The following GRK3 variants were observed in gnomAD, a reference collection of about 807,000 sequenced individuals.
GRK3 encodes G protein-coupled receptor kinase 3, also known as adrenergic, beta, receptor kinase 2.
GRK3 carries 54 observed loss-of-function variants against 95.7 expected under a neutral mutation model. The observed-to-expected ratio is 0.56, with a 90% CI of 0.45 to 0.71. The LOEUF is 0.71. Among genes scored for constraint, GRK3 ranks in the 30% least tolerant of loss-of-function variants. The pLI is 0.00. For synonymous variants in GRK3, 281 were observed against 290.8 expected (o/e 0.97, Z 0.34); for missense variants, 649 against 851.2 (o/e 0.76, Z 2.96).
At chr22:25,585,887 C>G (rs1352756091) in intron 1 of GRK3, among the ~76,000 whole-genome samples, 1 of 152,250 alleles carries the variant, frequency 6.6e-6, no homozygotes, top group Non-Finnish European at 1.5e-5. Context: ...ATGACATTTT[C>G]TAGAGCCCCC....
chr22:25,613,084 A>T (rs2146348991), intron 2 of GRK3, among the ~76,000 whole-genome samples: 1 of 152,204 alleles, frequency 6.6e-6, no homozygotes, highest in Middle Eastern at 3.4e-3. Flanking sequence ...TATAACATAG[A>T]TGGTTAAAAG....
chr22:25,711,041 T>C (rs745962178), intron 16 of GRK3, 27 bp from the exon 17 acceptor site: 6 of 1,490,524 alleles, frequency 4.0e-6, no homozygotes, highest in Non-Finnish European at 4.7e-6. Flanking sequence ...ATCTGAAAAC[T>C]GTACCATGCT....
intron 17 of GRK3, among the ~76,000 whole-genome samples, chr22:25,713,263 A>G (rs1369351168): frequency 6.6e-6 from 1 of 152,154 alleles, no homozygotes; most frequent in Non-Finnish European, 1.5e-5. Flanking sequence ...ACTCACACAC[A>G]CACTCACACA....
chr22:25,714,802 C>G (rs1320883118), intron 18 of GRK3, among the ~76,000 whole-genome samples: 1 of 152,012 alleles, frequency 6.6e-6, no homozygotes, highest in East Asian at 1.9e-4. Context: ...TTTAGTATGC[C>G]CTTTTATCTT....
intron 2 of GRK3, among the ~76,000 whole-genome samples, chr22:25,629,027 T>A (rs999803780): frequency 6.6e-6 from 1 of 152,210 alleles, no homozygotes; most frequent in African/African-American, 2.4e-5. Flanking sequence ...GGAAAACTTT[T>A]AAAATATATT....
At chr22:25,686,915 G>A (rs1256648716) in intron 10 of GRK3, among the ~76,000 whole-genome samples, 1 of 152,334 alleles carries the variant, frequency 6.6e-6, no homozygotes, top group East Asian at 1.9e-4. Flanking sequence ...CACCTTTCAG[G>A]TTCAAGAGAT....
At chr22:25,630,158 G>T (rs112423868) in intron 2 of GRK3, among the ~76,000 whole-genome samples, 7,519 of 152,178 alleles carry the variant, frequency 0.049, 189 homozygotes, top group Middle Eastern at 0.058. Context: ...TGTATCGATT[G>T]GTTGGCTCTT....
chr22:25,638,472 T>C (rs2084719563), intron 2 of GRK3, among the ~76,000 whole-genome samples: 1 of 152,234 alleles, frequency 6.6e-6, no homozygotes, highest in African/African-American at 2.4e-5. Context: ...CTTACTCCCA[T>C]GGATTACGTG....
chr22:25,604,045 G>A (rs567602099), intron 1 of GRK3, among the ~76,000 whole-genome samples: 1 of 152,148 alleles, frequency 6.6e-6, no homozygotes, highest in African/African-American at 2.4e-5. Context: ...TACGTGTAGG[G>A]TGTGTGCTGT....
At chr22:25,699,388 G>A (rs529625785) in intron 13 of GRK3, among the ~76,000 whole-genome samples, 5 of 152,078 alleles carry the variant, frequency 3.3e-5, no homozygotes, top group East Asian at 1.9e-4. Context: ...CTCCTGGGGC[G>A]CCTGTCCTCA....
chr22:25,690,747 C>G (rs962649869), intron 12 of GRK3, among the ~76,000 whole-genome samples: 1 of 151,748 alleles, frequency 6.6e-6, no homozygotes, highest in Admixed American at 6.6e-5. Context: ...CCTTCTTTTT[C>G]AAAAAGGCTT....
chr22:25,606,170 T>C (rs2331130), intron 2 of GRK3, among the ~76,000 whole-genome samples: 15,191 of 124,556 alleles, frequency 0.12, 2 homozygotes, highest in East Asian at 0.32. Context: ...CTGAGAGCAG[T>C]CTCACTGGGC....
chr22:25,699,368 C>T (rs1197359199), intron 13 of GRK3, among the ~76,000 whole-genome samples: 2 of 152,154 alleles, frequency 1.3e-5, no homozygotes, highest in Admixed American at 6.5e-5. Flanking sequence ...GTCCCCTCTG[C>T]ATCCTGACAC....
chr22:25,566,296 A>G (rs972113978), intron 1 of GRK3, among the ~76,000 whole-genome samples: 2 of 152,240 alleles, frequency 1.3e-5, no homozygotes, highest in African/African-American at 4.8e-5. Flanking sequence ...AACCAAAGTT[A>G]TTGTCCATTT....
chr22:25,726,192 A>C lies in GRK3; in HGVS notation c.*3742A>C, dbSNP rs1422612753. 1 of 152,198 alleles carries C rather than the reference A, an allele frequency of 6.6e-6. No homozygotes were observed. The highest frequency in any genetic ancestry group is 1.5e-5 in the Non-Finnish European group (1 of 68,030). 9.4% of individuals were successfully genotyped at this position (152,198 alleles called of 1,614,324 possible). A position where few individuals can be genotyped will look rare whatever the true frequency, so the allele number is the denominator to read the frequency against. On this transcript the variant is annotated 3_prime_UTR_variant, in exon 21 of 21. Coordinates refer to ENST00000324198, the MANE Select transcript of GRK3 (RefSeq NM_005160.4). ...GATTTAACTAGATTAAAAAGATCAA[A>C]GTGTGGTTTTTCTCTGCTTTTTAAA...
intron 2 of GRK3, among the ~76,000 whole-genome samples, chr22:25,615,548 TG>T (rs1001891276): frequency 2.0e-5 from 3 of 152,160 alleles, no homozygotes; most frequent in African/African-American, 7.2e-5. Flanking sequence ...AGATGTGCTG[TG>T]GGGGTGATGG....
chr22:25,591,205 C>T (rs544297993), intron 1 of GRK3, among the ~76,000 whole-genome samples: 6 of 152,102 alleles, frequency 3.9e-5, no homozygotes, highest in Non-Finnish European at 8.8e-5. Flanking sequence ...AAATGCTATC[C>T]TTATGATTAG....
intron 2 of GRK3, among the ~76,000 whole-genome samples, chr22:25,637,746 G>A (rs1387798279): frequency 6.6e-6 from 1 of 152,192 alleles, no homozygotes; most frequent in Non-Finnish European, 1.5e-5. Context: ...TAGGATATGT[G>A]TATATAGACA....
chr22:25,681,249 A>G (rs983277135), intron 9 of GRK3, among the ~76,000 whole-genome samples: 2 of 152,002 alleles, frequency 1.3e-5, no homozygotes, highest in South Asian at 2.1e-4. Context: ...TAGTTCTCAT[A>G]CAGCTGCATG....
Sources: allele counts gnomAD v4.1 joint callset (sites outside exome capture counted in the v4.1 genomes callset), GRCh38; gene constraint gnomAD v4.1.1; transcripts MANE v1.5; gene names NCBI Gene and HGNC (gene_info 2026-07-23, HGNC 2026-07-21).